Variants in ADGRV1 observed in about 807,000 individuals in gnomAD.
ADGRV1 encodes G-protein coupled receptor 98.
ADGRV1 carries 359 observed loss-of-function variants against 596.2 expected under a neutral mutation model. The ratio of observed to expected loss-of-function variants is 0.60; its 90% CI spans 0.55 to 0.66. The LOEUF (loss-of-function observed/expected upper bound fraction) is 0.66. Ranked by LOEUF, ADGRV1 falls within the 30% of genes least tolerant of loss-of-function variation. The probability of loss-of-function intolerance (pLI) is 0.00; values close to 1 mark genes in which losing one functional copy is unlikely to be tolerated. For synonymous variants in ADGRV1, 2,681 were observed against 2,679.2 expected, an observed-to-expected ratio of 1.00 and a Z score of -0.02; for missense variants, 7,274 against 7,575.6, an observed-to-expected ratio of 0.96 and a Z score of 1.48.
intron 59 of ADGRV1, among the ~76,000 whole-genome samples, chr5:90,768,259 G>A (rs1237679573): frequency 6.6e-6 from 1 of 152,062 alleles, no homozygotes; most frequent in Non-Finnish European, 1.5e-5. Context: ...TGCTTGTTTG[G>A]TCATCAGCCT....
chr5:90,725,698 CTTT>C (rs756202272), intron 48 of ADGRV1, 42 bp downstream of exon 48: 3 of 1,016,818 alleles, frequency 3.0e-6, no homozygotes. Flanking sequence ...TTTTGCTTTT[CTTT>C]TTAACATTAT....
In ADGRV1 at chr5:90,790,873, G is replaced by A. The variant is rs564063496; in HGVS notation, c.14044G>A (p.Val4682Ile). ...RVKGTFGEIM[V>I]YWELSSEFDI... ...GTTGAGTTTTTTTCTTTTATTTTAG[G>A]TTTACTGGGAATTAAGTAGTGAGTT... is the stretch of plus-strand genomic sequence containing the variant. The change falls in exon 70 of 90, where the codon GTT (valine) becomes ATT (isoleucine). Residue 4682 changes from valine to isoleucine, a missense_variant and splice_region_variant. By Grantham distance (29) the Val-to-Ile change is conservative. Around this residue, in one of 5 missense-constraint regions of ADGRV1, gnomAD observed 1,874 missense variants for 1,970.2 expected, o/e 0.95. Coordinates refer to ENST00000405460, the MANE Select transcript of ADGRV1 (RefSeq NM_032119.4). 1.9e-6 allele frequency: 3 copies of A among 1,585,818 alleles called. No homozygotes were observed. The highest frequency in any genetic ancestry group is 4.5e-5 in the East Asian group (2 of 44,636).
intron 83 of ADGRV1, among the ~76,000 whole-genome samples, chr5:90,914,528 G>C (rs376515785): frequency 8.1e-4 from 124 of 152,238 alleles, no homozygotes; most frequent in African/African-American, 3.0e-3. Flanking sequence ...TAGATGAAGA[G>C]TTTTAATTTT....
intron 6 of ADGRV1, 196 bp downstream of exon 6, chr5:90,625,439 C>G: frequency 2.3e-6 from 1 of 431,480 alleles, no homozygotes. Context: ...CTGAATATAA[C>G]TGGCAACCAT....
At chr5:90,601,570 C>T (rs932978166) in intron 1 of ADGRV1, among the ~76,000 whole-genome samples, 1 of 151,962 alleles carries the variant, frequency 6.6e-6, no homozygotes, top group African/African-American at 2.4e-5. Flanking sequence ...GGACTTAATC[C>T]CAGATCAAAA....
chr5:91,150,169 C>A lies in ADGRV1; in HGVS notation c.18572C>A (p.Ala6191Asp). ...ACGCCCGGGAGTGGAATGCCTCCTGCTGGAGGGGAAATCAGCAAGTCCACC... is the reference window on the plus strand; with the variant it reads ...ACGCCCGGGAGTGGAATGCCTCCTGATGGAGGGGAAATCAGCAAGTCCACC... ...FFTPGSGMPP[A>D]GGEISKSTQN... is the part of the protein sequence containing the mutation. The change falls in exon 88 of 90, where the codon GCT (alanine) becomes GAT (aspartate). Residue 6191 changes from alanine (A) to aspartate (D), a missense_variant. Around this residue, in one of 5 missense-constraint regions of ADGRV1, gnomAD observed 1,874 missense variants for 1,970.2 expected, o/e 0.95. Transcript: ENST00000405460. 6.3e-7 allele frequency: 1 copy of A among 1,594,666 alleles called. No individual in the cohort carries two copies. Among genetic ancestry groups the A allele is most frequent in the Non-Finnish European group, 8.5e-7 (1 of 1,171,718 alleles).
At chr5:90,862,430 C>G (rs544302494) in intron 82 of ADGRV1, among the ~76,000 whole-genome samples, 2 of 152,196 alleles carry the variant, frequency 1.3e-5, no homozygotes, top group African/African-American at 4.8e-5. Flanking sequence ...ACACACTCAA[C>G]TTAAGACTTG....
Position 90,745,160 on chromosome 5 carries a change from C to A in ADGRV1, c.10664C>A (p.Thr3555Lys). The change falls in exon 51 of 90, where the codon ACA (threonine) becomes AAA (lysine). Residue 3555 changes from threonine (T) to lysine (K), a missense_variant. By Grantham distance (78) the Thr-to-Lys change is moderately conservative. Coordinates refer to ENST00000405460, the MANE Select transcript of ADGRV1 (RefSeq NM_032119.4). ...TCTGCTTATGATGTGGCTTCTGTTA[C>A]AGTAAAGTCCCTTAATTCAAGCAAG... The part of the protein sequence containing the change: ...VPSAYDVASV[T>K]VKSLNSSKNL... The A allele has an allele frequency of 6.2e-7, 1 of 1,613,308 alleles. No individual in the cohort carries two copies. Among genetic ancestry groups the A allele is most frequent in the Non-Finnish European group, 8.5e-7 (1 of 1,179,480 alleles).
intron 11 of ADGRV1, among the ~76,000 whole-genome samples, chr5:90,638,548 T>C (rs1300239878): frequency 6.6e-6 from 1 of 151,764 alleles, no homozygotes; most frequent in East Asian, 1.9e-4. Context: ...AGTTTTTTTT[T>C]TCAGTTTTTC....
rs964149316 is a variant in ADGRV1, at chr5:90,960,070, T to C, written c.17857-5345T>C. On this transcript the variant is annotated intron_variant, in intron 83 of 89. Coordinates refer to ENST00000405460, the MANE Select transcript of ADGRV1 (RefSeq NM_032119.4). ...AGGAGAATGGCGTGAACCCAGGAGGTGGAGCTTGCAGTGAGCCGAGATCGC... is the reference window on the plus strand; with the variant it reads ...AGGAGAATGGCGTGAACCCAGGAGGCGGAGCTTGCAGTGAGCCGAGATCGC... 5.3e-4 allele frequency among the ~76,000 whole-genome samples: 75 copies of C among 142,712 alleles called. 1 individual carries two copies. Among genetic ancestry groups the C allele is most frequent in the East Asian group, 4.0e-3 (20 of 4,964 alleles). 93.6% of individuals were successfully genotyped at this position (142,712 alleles called of 152,430 possible). A position where few individuals can be genotyped will look rare whatever the true frequency, so the allele number is the denominator to read the frequency against.
chr5:90,702,992 A>G (rs1748100766), intron 34 of ADGRV1, among the ~76,000 whole-genome samples: 1 of 152,000 alleles, frequency 6.6e-6, no homozygotes, highest in Non-Finnish European at 1.5e-5. Context: ...TAGCAATTTG[A>G]AAGACATGTT....
rs1160090469 is a variant in ADGRV1 at position 90,653,408 on chromosome 5, T to G, written c.3834T>G (p.Phe1278Leu). 1 of 1,613,868 alleles carries G rather than the reference T, an allele frequency of 6.2e-7. No homozygotes were observed. Among genetic ancestry groups the G allele is most frequent in the Non-Finnish European group, 8.5e-7 (1 of 1,179,884 alleles). The change falls in exon 20 of 90, where the codon TTT becomes TTG. Residue 1278 changes from phenylalanine to leucine, a missense_variant. This residue lies in a region of ADGRV1 where 1,715 missense variants were observed against 1,708.8 expected (regional missense o/e 1.00). Coordinates refer to ENST00000405460, the MANE Select transcript of ADGRV1 (RefSeq NM_032119.4). ...NFTILRQQGVFGDVQLGWEIL... is the reference protein window; with the variant it reads ...NFTILRQQGVLGDVQLGWEIL... ...CCATTTTGAGGCAGCAGGGTGTGTT[T>G]GGTGATGTACAACTGGGCTGGGAAA... is the stretch of plus-strand genomic sequence containing the variant.
intron 28 of ADGRV1, 79 bp downstream of exon 28, chr5:90,684,274 G>T: frequency 7.8e-7 from 1 of 1,287,166 alleles, no homozygotes; most frequent in South Asian, 1.7e-5. Flanking sequence ...TTATTTAATA[G>T]AAAATTCTAT....
At chr5:90,823,032 G>A (rs1307958177) in intron 75 of ADGRV1, among the ~76,000 whole-genome samples, 8 of 152,190 alleles carry the variant, frequency 5.3e-5, no homozygotes, top group Admixed American at 5.2e-4. Flanking sequence ...ATTCTGGGCT[G>A]AGATGATGGG....
intron 59 of ADGRV1, among the ~76,000 whole-genome samples, chr5:90,768,944 T>C (rs1039668780): frequency 6.6e-6 from 1 of 152,202 alleles, no homozygotes; most frequent in Admixed American, 6.5e-5. Context: ...GATGCTACAG[T>C]ATACTACAGT....
chr5:90,876,337 T>C lies in ADGRV1; in HGVS notation c.17856+12480T>C, dbSNP rs149783328. ...TGTTGGTTTAACTTTTGGAACACTT[T>C]TAAAGTGTTCAATTAAATATTTATT... On this transcript the variant is annotated intron_variant, in intron 83 of 89. Transcript: ENST00000405460. Among the ~76,000 whole-genome samples, 9 of 152,308 alleles carry C rather than the reference T, an allele frequency of 5.9e-5. No homozygotes were observed. The East Asian group carries it at 1.5e-3, about 26-fold the overall frequency.
chr5:90,927,602 C>T (rs3105794), intron 83 of ADGRV1, among the ~76,000 whole-genome samples: 108,573 of 152,016 alleles, frequency 0.71, 39,177 homozygotes, highest in East Asian at 1. Context: ...CCAGTCTGTG[C>T]CTTTTAATTG....
intron 83 of ADGRV1, among the ~76,000 whole-genome samples, chr5:90,889,055 C>T (rs930055347): frequency 8.5e-5 from 13 of 152,142 alleles, no homozygotes; most frequent in African/African-American, 3.1e-4. Flanking sequence ...GAAATCATAG[C>T]AAGGTCTACA....
intron 83 of ADGRV1, among the ~76,000 whole-genome samples, chr5:90,913,600 T>C (rs1452435431): frequency 5.3e-5 from 8 of 152,204 alleles, no homozygotes; most frequent in Admixed American, 5.2e-4. Context: ...TTTTTTTTCT[T>C]CGTTGCAGGA....
Sources: gnomAD v4.1 joint callset for allele counts (sites outside exome capture counted in the v4.1 genomes callset) on GRCh38, gnomAD v4.1.1 for gene constraint, gnomAD v4.1.1 regional missense constraint, MANE v1.5 for transcripts, NCBI Gene and HGNC (gene_info 2026-07-23, HGNC 2026-07-21) for gene names.